Variants in CIROZ observed in about 807,000 individuals in gnomAD.
CIROZ encodes the protein ciliated left-right organizer protein containing ZP-N domains, also known as ciliated left-right organizer ZP-N domains-containing protein.
chr1:10,971,531 T>C, the CIROZ span, among the ~76,000 whole-genome samples: 2 of 152,008 alleles, frequency 1.3e-5, no homozygotes, highest in Non-Finnish European at 2.9e-5. Context: ...TTCCCAACTC[T>C]TCATGTGGCT....
At chr1:10,965,524 G>A in the CIROZ span, among the ~76,000 whole-genome samples, 1 of 152,120 alleles carries the variant, frequency 6.6e-6, no homozygotes, top group East Asian at 1.9e-4. Context: ...GGGAATTCCA[G>A]ACCAGCCTGG....
the CIROZ span, among the ~76,000 whole-genome samples, chr1:10,981,366 C>T: frequency 6.6e-6 from 1 of 152,102 alleles, no homozygotes; most frequent in Non-Finnish European, 1.5e-5. Context: ...GGGATGATCA[C>T]TTGAGCCCAG....
chr1:10,947,745 G>A, the CIROZ span: 1 of 1,586,584 alleles, frequency 6.3e-7, no homozygotes. Flanking sequence ...GAGGGCCAAG[G>A]TGGGCTCTGT....
the CIROZ span, among the ~76,000 whole-genome samples, chr1:10,963,752 T>A: frequency 6.7e-6 from 1 of 150,290 alleles, no homozygotes; most frequent in Non-Finnish European, 1.5e-5. Flanking sequence ...AAAAAAAGCA[T>A]CCAAACTAGC....
chr1:10,976,178 G>A, the CIROZ span: 1 of 1,536,946 alleles, frequency 6.5e-7, no homozygotes, highest in Non-Finnish European at 8.7e-7. Flanking sequence ...CTGCTGCAGA[G>A]CTTGGCTTGT....
At chr1:10,957,092 C>G in the CIROZ span, 7 of 1,549,860 alleles carry the variant, frequency 4.5e-6, no homozygotes, top group Non-Finnish European at 6.1e-6. Context: ...AGGAGCTCAG[C>G]AGAGGTGTTC....
chr1:10,968,603 A>G, the CIROZ span, among the ~76,000 whole-genome samples: 1 of 152,160 alleles, frequency 6.6e-6, no homozygotes, highest in Non-Finnish European at 1.5e-5. Flanking sequence ...TCACGTTTGC[A>G]CTTTGTAAAT....
At chr1:10,964,697 C>G in the CIROZ span, among the ~76,000 whole-genome samples, 1 of 152,216 alleles carries the variant, frequency 6.6e-6, no homozygotes, top group Non-Finnish European at 1.5e-5. Context: ...ATGGCCTGAT[C>G]TTGGCTCACT....
At chr1:10,971,256 G>A in the CIROZ span, among the ~76,000 whole-genome samples, 1 of 150,250 alleles carries the variant, frequency 6.7e-6, no homozygotes, top group Non-Finnish European at 1.5e-5. Flanking sequence ...CCAGACCAGA[G>A]GGGAGAGGCA....
chr1:10,949,572 G>A, the CIROZ span: 5 of 1,554,948 alleles, frequency 3.2e-6, no homozygotes, highest in Middle Eastern at 2.3e-4. Flanking sequence ...ACTTCTTGGG[G>A]ACCAGACTCT....
chr1:10,976,294 G>T, the CIROZ span: 2 of 1,297,524 alleles, frequency 1.5e-6, no homozygotes, highest in Non-Finnish European at 2.1e-6. Flanking sequence ...GACATGCACC[G>T]CCCAGCTGCT....
chr1:10,955,927 A>G, the CIROZ span, among the ~76,000 whole-genome samples: 1 of 151,856 alleles, frequency 6.6e-6, no homozygotes, highest in Admixed American at 6.6e-5. Context: ...TCAGGCTCTC[A>G]GGGGGACATT....
chr1:10,974,901 T>C, the CIROZ span, among the ~76,000 whole-genome samples: 556 of 152,294 alleles, frequency 3.7e-3, 7 homozygotes, highest in African/African-American at 0.012. This position sits in a 1 kb window ranked among gnomAD's most constrained non-coding sequence, Gnocchi z 4.4. Flanking sequence ...TTGAAGTTGC[T>C]GTCAATAGTG....
chr1:10,955,980 T>A, the CIROZ span, among the ~76,000 whole-genome samples: 1 of 152,266 alleles, frequency 6.6e-6, no homozygotes, highest in East Asian at 1.9e-4. Context: ...TCTGCCTTTA[T>A]ATAAAGGGAT....
At chr1:10,972,420 T>TAGACACAC in the CIROZ span, among the ~76,000 whole-genome samples, 1 of 131,724 alleles carries the variant, frequency 7.6e-6, no homozygotes, top group African/African-American at 3.0e-5. Flanking sequence ...GTCTCTGAAA[T>TAGACACAC]ACACACACAC....
chr1:10,973,633 G>A, the CIROZ span, among the ~76,000 whole-genome samples: 1 of 152,148 alleles, frequency 6.6e-6, no homozygotes, highest in Non-Finnish European at 1.5e-5. Context: ...GCAGGGAGGT[G>A]TGGCTGGGGT....
At chr1:10,980,295 G>A in the CIROZ span, among the ~76,000 whole-genome samples, 6 of 152,218 alleles carry the variant, frequency 3.9e-5, no homozygotes, top group South Asian at 1.2e-3. Context: ...CAGCCTTTGA[G>A]CTGGGAGGAG....
chr1:10,967,126 G>A, the CIROZ span, among the ~76,000 whole-genome samples: 2 of 148,998 alleles, frequency 1.3e-5, no homozygotes, highest in South Asian at 4.3e-4. Flanking sequence ...TCCAGCCTGG[G>A]TGACGGAGTG....
chr1:10,948,449 C>A, the CIROZ span: 8 of 1,613,744 alleles, frequency 5.0e-6, no homozygotes, highest in East Asian at 2.2e-5. Flanking sequence ...AGCCTCTCAG[C>A]AGGAGGGGAC....
Sources: gnomAD v4.1 joint callset for allele counts (sites outside exome capture counted in the v4.1 genomes callset) on GRCh38, gnomAD v4.1.1 for gene constraint, Gnocchi (gnomAD v3.1) non-coding constraint, MANE v1.5 for transcripts, NCBI Gene and HGNC (gene_info 2026-07-23, HGNC 2026-07-21) for gene names.